Variants in CDC42BPA observed in about 807,000 individuals in gnomAD.
The protein encoded by CDC42BPA is serine/threonine-protein kinase MRCK alpha.
CDC42BPA carries 80 observed loss-of-function variants against 223.5 expected under a neutral mutation model. That is an observed-to-expected ratio of 0.36 (90% CI 0.30 to 0.43). The LOEUF (loss-of-function observed/expected upper bound fraction) is 0.43. Ranked by LOEUF, CDC42BPA falls within the 20% of genes least tolerant of loss-of-function variation. The pLI is 1.00. For synonymous variants in CDC42BPA, 694 were observed against 718.6 expected (o/e 0.97, Z 0.55); for missense variants, 1,743 against 2,099.9 (o/e 0.83, Z 3.32).
chr1:227,184,737 T>C (rs527798035), intron 5 of CDC42BPA, among the ~76,000 whole-genome samples: 99 of 152,232 alleles, frequency 6.5e-4, no homozygotes, highest in Non-Finnish European at 1.2e-3. Context: ...AATAAACCTA[T>C]AGATTTGCCA....
At chr1:227,067,291 T>C (rs767157173) in intron 21 of CDC42BPA, among the ~76,000 whole-genome samples, 1 of 152,026 alleles carries the variant, frequency 6.6e-6, no homozygotes, top group Non-Finnish European at 1.5e-5. Flanking sequence ...TGTGCATTCC[T>C]GAAAGGTCTG....
chr1:227,128,992 T>C (rs1656409922), intron 11 of CDC42BPA, 117 bp downstream of exon 11: 2 of 714,704 alleles, frequency 2.8e-6, no homozygotes, highest in Admixed American at 3.0e-5. Flanking sequence ...CTTCCCTGAC[T>C]AGCATGCAAC....
chr1:227,277,128 TAA>T (rs527596432), intron 1 of CDC42BPA, among the ~76,000 whole-genome samples: 90 of 146,758 alleles, frequency 6.1e-4, no homozygotes, highest in Middle Eastern at 3.5e-3. Context: ...TTATGGACAT[TAA>T]GAGAGTAAAC....
intron 5 of CDC42BPA, among the ~76,000 whole-genome samples, chr1:227,190,535 T>TC (rs1558716399): frequency 6.7e-6 from 1 of 149,012 alleles, no homozygotes; most frequent in Non-Finnish European, 1.5e-5. Flanking sequence ...CTGGACTCAC[T>TC]CCATCATCTC....
chr1:227,153,403 A>G (rs2149739937), intron 6 of CDC42BPA, among the ~76,000 whole-genome samples: 1 of 152,128 alleles, frequency 6.6e-6, no homozygotes, highest in African/African-American at 2.4e-5. Flanking sequence ...ATATAATACT[A>G]TGAATATTAA....
chr1:227,090,875 A>G (rs1462333314), intron 16 of CDC42BPA, among the ~76,000 whole-genome samples: 1 of 152,228 alleles, frequency 6.6e-6, no homozygotes, highest in East Asian at 1.9e-4. Flanking sequence ...AGGAATTAGC[A>G]CAAGAAATGC....
intron 2 of CDC42BPA, among the ~76,000 whole-genome samples, chr1:227,241,037 C>A (rs1679931249): frequency 6.6e-6 from 1 of 151,942 alleles, no homozygotes; most frequent in South Asian, 2.1e-4. Flanking sequence ...TTTCTAAAGA[C>A]TGAGCAAAAA....
intron 3 of CDC42BPA, among the ~76,000 whole-genome samples, chr1:227,209,876 T>C (rs1673554577): frequency 6.6e-6 from 1 of 150,932 alleles, no homozygotes; most frequent in Non-Finnish European, 1.5e-5. Context: ...CCTCATAAAA[T>C]GAGTTAGGGA....
intron 34 of CDC42BPA, chr1:227,011,167 C>G (rs12404219): frequency 0.18 from 81,673 of 460,256 alleles, 8,694 homozygotes; most frequent in Non-Finnish European, 0.22. Context: ...TATCTGATAT[C>G]AGAGCTGAAT....
intron 1 of CDC42BPA, among the ~76,000 whole-genome samples, chr1:227,266,665 G>A (rs1034201925): frequency 3.9e-5 from 6 of 152,116 alleles, no homozygotes; most frequent in Admixed American, 6.5e-5. Context: ...GAAACTACAC[G>A]TTTGTGGCAC....
rs1690156595 is a variant in CDC42BPA at position 227,293,983 on chromosome 1, A to T, written c.178+23022T>A. 2.0e-5 allele frequency among the ~76,000 whole-genome samples: 3 copies of T among 151,820 alleles called. No homozygotes were observed. In the South Asian group the frequency reaches 6.3e-4, roughly 32 times the overall value. ...TGGAAGTAAATTAAATGTTTAAAAA[A>T]ATTTTAGGCCAGGCACGGTGGCTCA... On this transcript the variant is annotated intron_variant, in intron 1 of 36. Transcript: ENST00000366766.
At chr1:227,122,615 A>G (rs1461869314) in intron 11 of CDC42BPA, among the ~76,000 whole-genome samples, 3 of 152,240 alleles carry the variant, frequency 2.0e-5, no homozygotes, top group Non-Finnish European at 2.9e-5. Context: ...AAGTGAAAAA[A>G]GCTCAAAACA....
At chr1:227,211,413 GA>G (rs1284851907) in intron 3 of CDC42BPA, among the ~76,000 whole-genome samples, 2 of 151,218 alleles carry the variant, frequency 1.3e-5, no homozygotes, top group Non-Finnish European at 3.0e-5. Flanking sequence ...CTACCCAAAG[GA>G]AAAAAAATCA....
intron 10 of CDC42BPA, among the ~76,000 whole-genome samples, chr1:227,132,543 T>C (rs9426608): frequency 0.097 from 10,337 of 106,662 alleles, 663 homozygotes; most frequent in African/African-American, 0.13. Flanking sequence ...AGCCTCTGCC[T>C]GGCTGCCACC....
intron 5 of CDC42BPA, among the ~76,000 whole-genome samples, chr1:227,182,022 A>C (rs564906236): frequency 1.3e-5 from 2 of 152,142 alleles, no homozygotes; most frequent in African/African-American, 2.4e-5. Context: ...TATAAGGGGA[A>C]AATGATTACT....
At chr1:227,129,885 A>G (rs1656709097) in intron 10 of CDC42BPA, among the ~76,000 whole-genome samples, 2 of 151,954 alleles carry the variant, frequency 1.3e-5, no homozygotes, top group African/African-American at 4.8e-5. Flanking sequence ...CTGGTTTACA[A>G]ATGGAGAGTT....
chr1:227,127,760 T>C (rs1265799840), intron 11 of CDC42BPA, among the ~76,000 whole-genome samples: 5 of 152,194 alleles, frequency 3.3e-5, no homozygotes, highest in Non-Finnish European at 4.4e-5. Context: ...AAACACAAAA[T>C]AGCATTCATA....
chr1:227,148,954 T>C (rs77385272), intron 6 of CDC42BPA, among the ~76,000 whole-genome samples: 3,136 of 152,126 alleles, frequency 0.021, 122 homozygotes, highest in African/African-American at 0.072. Context: ...TTTCATTTCC[T>C]AGGTACTCAA....
rs146827361 is a variant in CDC42BPA, at chr1:227,199,592, T to C, written c.415A>G (p.Thr139Ala). 4.7e-5 allele frequency: 75 copies of C among 1,606,450 alleles called. 1 individual carries two copies. The highest frequency in any genetic ancestry group is 1.8e-4 in the South Asian group (16 of 90,550). Residue 139 changes from threonine to alanine, a missense_variant, in exon 4 of 37, where the codon ACC (threonine) becomes GCC (alanine). By Grantham distance (58) the Thr-to-Ala change is moderately conservative. Transcript: ENST00000366766. ...LVNGDNKWIT[T>A]LHYAFQDDNN... ...TCATCCTGGAAAGCATAGTGCAAGG[T>C]TGTAATCCATTTATTGTCTCCATTC...
Sources: allele counts gnomAD v4.1 joint callset (sites outside exome capture counted in the v4.1 genomes callset), GRCh38; gene constraint gnomAD v4.1.1; transcripts MANE v1.5; gene names NCBI Gene and HGNC (gene_info 2026-07-23, HGNC 2026-07-21).